The following TLL2 variants were observed in gnomAD, a reference collection of about 807,000 sequenced individuals.
TLL2 encodes the protein tolloid-like protein 2.
TLL2 carries 106 observed loss-of-function variants against 123.0 expected under a neutral mutation model. That is an observed-to-expected ratio of 0.86 (90% confidence interval 0.74 to 1.01). The LOEUF (loss-of-function observed/expected upper bound fraction) is 1.01. TLL2 is among the 50% of genes least tolerant of loss of function. The pLI is 0.00. For missense variants in TLL2, 1,332 were observed against 1,336.7 expected (o/e 1.00, Z 0.06); for synonymous variants, 494 against 516.8 (o/e 0.96, Z 0.60).
chr10:96,465,850 G>A (rs1847125316), intron 2 of TLL2, among the ~76,000 whole-genome samples: 1 of 152,250 alleles, frequency 6.6e-6, no homozygotes, highest in African/African-American at 2.4e-5. Context: ...GTTGATCGTT[G>A]CCATGTGGGA....
At chr10:96,439,430 GTC>G (rs375313964) in intron 3 of TLL2, among the ~76,000 whole-genome samples, 28 of 149,998 alleles carry the variant, frequency 1.9e-4, no homozygotes, top group South Asian at 4.2e-4. Flanking sequence ...ACTTGCCTGG[GTC>G]TCTCTCTCTC....
intron 3 of TLL2, among the ~76,000 whole-genome samples, chr10:96,436,829 G>C (rs1349642105): frequency 6.6e-6 from 1 of 151,802 alleles, no homozygotes; most frequent in Non-Finnish European, 1.5e-5. Context: ...GGGACCACAG[G>C]CATATGCCAC....
intron 1 of TLL2, among the ~76,000 whole-genome samples, chr10:96,502,902 G>C (rs1589438240): frequency 6.6e-6 from 1 of 152,194 alleles, no homozygotes; most frequent in African/African-American, 2.4e-5. Flanking sequence ...CTCCACTCAA[G>C]TGCTCATGCG....
At chr10:96,425,967 C>T (rs1458354300) in intron 5 of TLL2, among the ~76,000 whole-genome samples, 1 of 152,038 alleles carries the variant, frequency 6.6e-6, no homozygotes, top group Admixed American at 6.5e-5. Context: ...CATCGATAAA[C>T]ATGATATTGG....
intron 1 of TLL2, among the ~76,000 whole-genome samples, chr10:96,497,290 AAAAC>A (rs2134112424): frequency 6.6e-6 from 1 of 151,906 alleles, no homozygotes; most frequent in East Asian, 1.9e-4. Context: ...TCAAAAAACA[AAAAC>A]AAAACAAAAC....
intron 7 of TLL2, among the ~76,000 whole-genome samples, chr10:96,415,534 G>A (rs11188751): frequency 0.58 from 87,313 of 150,606 alleles, 26,414 homozygotes; most frequent in East Asian, 0.73. Flanking sequence ...CCTCAAGCAG[G>A]GAGACTGGGT....
intron 1 of TLL2, among the ~76,000 whole-genome samples, chr10:96,511,034 T>TCC (rs1268868971): frequency 1.4e-5 from 2 of 146,890 alleles, no homozygotes; most frequent in African/African-American, 4.9e-5. Flanking sequence ...TTCAAGACCC[T>TCC]CCCCTCTGCA....
intron 2 of TLL2, among the ~76,000 whole-genome samples, chr10:96,452,743 G>C (rs193199867): frequency 2.0e-5 from 3 of 152,184 alleles, no homozygotes; most frequent in Non-Finnish European, 4.4e-5. Flanking sequence ...CAAGCATCCC[G>C]GGGAAGGGCA....
At chr10:96,375,007 G>A (rs1399834166) in intron 18 of TLL2, among the ~76,000 whole-genome samples, 1 of 151,064 alleles carries the variant, frequency 6.6e-6, no homozygotes, top group Non-Finnish European at 1.5e-5. Context: ...GGCTGGCCTG[G>A]CAGCGCAGAG....
chr10:96,373,070 A>G (rs1356999114), intron 19 of TLL2: 1 of 152,874 alleles, frequency 6.5e-6, no homozygotes, highest in East Asian at 1.9e-4. Context: ...AGGGTTGTCC[A>G]TTTCAAATTG....
chr10:96,376,976 C>A (rs1438599671), intron 17 of TLL2, among the ~76,000 whole-genome samples, 157 bp from the exon 18 acceptor site: 1 of 152,208 alleles, frequency 6.6e-6, no homozygotes, highest in Non-Finnish European at 1.5e-5. Context: ...TCTCCTGGCT[C>A]AGGGATGTGC....
intron 2 of TLL2, among the ~76,000 whole-genome samples, chr10:96,461,660 C>T (rs7083245): frequency 0.54 from 81,809 of 152,100 alleles, 22,494 homozygotes; most frequent in Middle Eastern, 0.65. Context: ...CACTGCAACC[C>T]TGATGAAAAT....
At chr10:96,401,263 A>G (rs1211943017) in intron 10 of TLL2, among the ~76,000 whole-genome samples, 3 of 152,192 alleles carry the variant, frequency 2.0e-5, no homozygotes, top group African/African-American at 7.2e-5. Flanking sequence ...TCAGAGCAAG[A>G]TGCGTACTTT....
chr10:96,374,136 A>G (rs1846112614), intron 18 of TLL2: 1 of 321,316 alleles, frequency 3.1e-6, no homozygotes, highest in African/African-American at 2.1e-5. Context: ...CAGGCTTTAC[A>G]CAGCCCAAAT....
intron 18 of TLL2, chr10:96,374,257 G>A (rs74153647): frequency 8.9e-4 from 176 of 198,354 alleles, no homozygotes; most frequent in African/African-American, 3.8e-3. Context: ...TACAAGTATC[G>A]CCTCATTTAA....
chr10:96,417,279 TCCCAGTAAAAA>T (rs1040717194), intron 7 of TLL2, among the ~76,000 whole-genome samples: 6 of 152,100 alleles, frequency 3.9e-5, no homozygotes, highest in Admixed American at 1.3e-4. Flanking sequence ...ATAGAAAAGC[TCCCAGTAAAAA>T]CCCAGTGAAC....
At chr10:96,391,460 A>G (rs1393548076) in intron 13 of TLL2, among the ~76,000 whole-genome samples, 1 of 152,198 alleles carries the variant, frequency 6.6e-6, no homozygotes, top group African/African-American at 2.4e-5. Context: ...TCAGAATCAA[A>G]TCACAAACAC....
intron 1 of TLL2, among the ~76,000 whole-genome samples, chr10:96,497,487 T>G (rs2134112536): frequency 6.6e-6 from 1 of 152,330 alleles, no homozygotes; most frequent in East Asian, 1.9e-4. Context: ...TCGGGTTTCC[T>G]CCAGCTTCTG....
intron 1 of TLL2, among the ~76,000 whole-genome samples, chr10:96,494,923 T>G (rs1847455161): frequency 1.3e-5 from 2 of 152,210 alleles, no homozygotes; most frequent in Non-Finnish European, 2.9e-5. Flanking sequence ...ATACGCACTT[T>G]AATTCATGCC....
Sources: allele counts gnomAD v4.1 joint callset (sites outside exome capture counted in the v4.1 genomes callset), GRCh38; gene constraint gnomAD v4.1.1; transcripts MANE v1.5; gene names NCBI Gene and HGNC (gene_info 2026-07-23, HGNC 2026-07-21).